The following PUDP variants were observed in gnomAD, a reference collection of about 807,000 sequenced individuals.
PUDP encodes the protein pseudouridine-5'-phosphatase.
In PUDP, 8 loss-of-function variants were observed where a neutral mutation model predicts 9.4. The observed-to-expected ratio is 0.85, with a 90% CI of 0.50 to 1.53. The LOEUF is 1.53. Ranked by LOEUF, PUDP falls within the 40% of genes most tolerant of loss-of-function variation. The probability of loss-of-function intolerance (pLI) is 0.00; values close to 1 mark genes in which losing one functional copy is unlikely to be tolerated. For synonymous variants in PUDP, 99 were observed against 80.7 expected (o/e 1.23, Z -1.22); for missense variants, 188 against 189.7 (o/e 0.99, Z 0.05).
chrX:7,125,559 T>C (rs1166352469), intron 1 of PUDP, among the ~76,000 whole-genome samples: 1 of 111,936 alleles, frequency 8.9e-6, no homozygotes, highest in Non-Finnish European at 1.9e-5. Context: ...ACTTCTATTC[T>C]TTTTCAGTGA....
Position 7,049,897 on chromosome X carries a change from A to T in PUDP, c.*399T>A. On this transcript the variant is annotated 3_prime_UTR_variant, in exon 4 of 4. Transcript: ENST00000381077. The stretch of plus-strand genomic sequence containing the variant: ...TGTCTTGGAAAAGTATATATTTTAC[A>T]TATACATGCATGCATATGTCTACAT... The T allele has an allele frequency of 7.9e-6, 1 of 126,120 alleles. No individual in the cohort carries two copies. The highest frequency in any genetic ancestry group is 1.6e-5 in the Non-Finnish European group (1 of 61,921). 10.4% of individuals were successfully genotyped at this position (126,120 alleles called of 1,213,427 possible).
chrX:7,004,881 A>C (rs1929379450), intron 1 of PUDP, among the ~76,000 whole-genome samples: 2 of 112,440 alleles, frequency 1.8e-5, no homozygotes, highest in Non-Finnish European at 3.7e-5. Context: ...TTGCTATATG[A>C]GAAACCATAT....
chrX:6,902,456 G>T (rs1327033259), intron 3 of PUDP, among the ~76,000 whole-genome samples: 1 of 112,072 alleles, frequency 8.9e-6, no homozygotes, highest in African/African-American at 3.2e-5. Context: ...GTGTCCAATT[G>T]CTCACCAATT....
At chrX:6,855,569 G>A (rs562480153) in intron 3 of PUDP, among the ~76,000 whole-genome samples, 1 of 111,605 alleles carries the variant, frequency 9.0e-6, no homozygotes, top group African/African-American at 3.3e-5. Flanking sequence ...TGAATCCTCC[G>A]TCTATATTCA....
intron 3 of PUDP, among the ~76,000 whole-genome samples, chrX:6,739,833 C>T (rs907288794): frequency 1.8e-5 from 2 of 111,732 alleles, no homozygotes; most frequent in Admixed American, 9.5e-5. Context: ...AGGGATGGAA[C>T]CTGAGCTAAA....
rs776452415 is a variant in PUDP, at chrX:7,077,422, C to T, written c.308G>A (p.Arg103Gln). 95 of 1,208,570 alleles carry T rather than the reference C, an allele frequency of 7.9e-5. No homozygotes were observed. In the South Asian group the frequency reaches 1.6e-3, roughly 20 times the overall value. Residue 103 changes from arginine (R) to glutamine (Q), a missense_variant, in exon 3 of 4, where the codon CGG (arginine) becomes CAG (glutamine). Arg to Gln is a conservative substitution (Grantham distance 43). Coordinates refer to ENST00000381077, the MANE Select transcript of PUDP (RefSeq NM_012080.5). ...CAGTGCAAAGGGGATGCCATGTTTC[C>T]GCAGGTGGATGATGAGTTTCTCCGC... ...PGAEKLIIHLRKHGIPFALAT... is the reference protein window; with the variant it reads ...PGAEKLIIHLQKHGIPFALAT...
rs1042800670 is a variant in PUDP, at chrX:6,787,480, T to G, written c.*248-81014A>C. Reference sequence around the variant, plus strand: ...TGAAGACAATTTTCACATTTCTCTGTCTCTTGTCATATTGTGTTTTGCTTT... The same window carrying G: ...TGAAGACAATTTTCACATTTCTCTGGCTCTTGTCATATTGTGTTTTGCTTT... On this transcript the variant is annotated intron_variant and NMD_transcript_variant, in intron 3 of 3. Coordinates refer to the PUDP transcript ENST00000655425. 3.6e-5 allele frequency among the ~76,000 whole-genome samples: 4 copies of G among 112,300 alleles called. No individual in the cohort carries two copies. The Admixed American group carries it at 3.8e-4, about 11-fold the overall frequency.
In PUDP at chrX:6,797,131, C is replaced by T. The variant is rs1306381224; in HGVS notation, c.*248-90665G>A. ...GGCTGCTGTTAGGGTACCTGTGTAA[C>T]TGTGATCACCGTAGAACATTGAATT... On this transcript the variant is annotated intron_variant and NMD_transcript_variant, in intron 3 of 3. Transcript: ENST00000655425. Among the ~76,000 whole-genome samples, 7 of 112,000 alleles carry T rather than the reference C, an allele frequency of 6.3e-5. No individual in the cohort carries two copies. In the East Asian group the frequency reaches 1.4e-3, roughly 22 times the overall value.
chrX:6,963,684 G>C (rs920577970), intron 3 of PUDP, among the ~76,000 whole-genome samples: 1 of 111,964 alleles, frequency 8.9e-6, no homozygotes, highest in Non-Finnish European at 1.9e-5. Context: ...ACCTCTAAAG[G>C]TGAGACCAGG....
At chrX:6,948,553 G>A (rs962069973) in intron 3 of PUDP, among the ~76,000 whole-genome samples, 1 of 112,156 alleles carries the variant, frequency 8.9e-6, no homozygotes, top group African/African-American at 3.2e-5. Context: ...GCAGAGCTGG[G>A]GTGGGGTCCA....
chrX:6,751,654 C>T (rs1289125549), intron 3 of PUDP, among the ~76,000 whole-genome samples: 1 of 111,522 alleles, frequency 9.0e-6, no homozygotes, highest in African/African-American at 3.3e-5. Context: ...CCTTTCATCT[C>T]ACTTTAAGAG....
At chrX:7,061,975 G>A (rs777459513) in intron 3 of PUDP, among the ~76,000 whole-genome samples, 10 of 111,974 alleles carry the variant, frequency 8.9e-5, no homozygotes, top group Non-Finnish European at 1.7e-4. Context: ...ATATTCTAGT[G>A]ACTATGCCAC....
intron 3 of PUDP, among the ~76,000 whole-genome samples, chrX:6,857,362 A>T (rs761692159): frequency 8.8e-6 from 1 of 113,189 alleles, no homozygotes. Context: ...TTCTGAGTAG[A>T]GAGAGAAAAC....
intron 3 of PUDP, among the ~76,000 whole-genome samples, chrX:6,735,933 G>T (rs1382616127): frequency 1.8e-5 from 2 of 109,235 alleles, no homozygotes; most frequent in African/African-American, 6.7e-5. Context: ...CAGATACTCA[G>T]GGTGTTGAGG....
intron 1 of PUDP, among the ~76,000 whole-genome samples, chrX:7,041,468 G>T (rs1174196550): frequency 8.9e-6 from 1 of 111,810 alleles, no homozygotes; most frequent in African/African-American, 3.3e-5. Flanking sequence ...TCCCTCGAAG[G>T]CATCATTTTT....
At chrX:6,766,751 C>G (rs1223000771) in intron 3 of PUDP, among the ~76,000 whole-genome samples, 2 of 111,755 alleles carry the variant, frequency 1.8e-5, no homozygotes, top group African/African-American at 6.5e-5. Context: ...TCACTTTTCT[C>G]CTGCCCTCCC....
chrX:6,712,107 C>T (rs1021292774), intron 1 of PUDP, among the ~76,000 whole-genome samples: 2 of 111,776 alleles, frequency 1.8e-5, no homozygotes, highest in African/African-American at 6.5e-5. Flanking sequence ...ATGCAATGCC[C>T]TCAAGGAGCC....
downstream of PUDP, among the ~76,000 whole-genome samples, chrX:7,046,572 TACAA>T (rs1327176064): frequency 1.8e-5 from 2 of 112,989 alleles, no homozygotes; most frequent in Middle Eastern, 4.2e-3. Context: ...ACTGTTGGTT[TACAA>T]ACAGATAGGT....
chrX:7,041,891 G>T (rs1450077636), intron 1 of PUDP, among the ~76,000 whole-genome samples: 1 of 105,609 alleles, frequency 9.5e-6, no homozygotes, highest in African/African-American at 3.5e-5. Context: ...TGAGACAGGG[G>T]TCTCACTCTG....
Sources: gnomAD v4.1 joint callset for allele counts (sites outside exome capture counted in the v4.1 genomes callset) on GRCh38, gnomAD v4.1.1 for gene constraint, MANE v1.5 for transcripts, NCBI Gene and HGNC (gene_info 2026-07-23, HGNC 2026-07-21) for gene names.